Variants in ARK2C observed in about 807,000 individuals in gnomAD.
ARK2C encodes arkadia (RNF111) C-terminal like ring finger ubiquitin ligase 2C.
the ARK2C span, chr18:46,337,405 A>AT: frequency 1.4e-5 from 14 of 984,982 alleles, no homozygotes; most frequent in African/African-American, 2.5e-4. Context: ...CATGATCTGT[A>AT]TTTTTTTACA....
At chr18:46,336,781 A>G in the ARK2C span, 5 of 985,368 alleles carry the variant, frequency 5.1e-6, no homozygotes, top group East Asian at 2.3e-4. Context: ...GCAGCACTTC[A>G]TTTTTCAGTT....
chr18:46,447,879 C>A, the ARK2C span, among the ~76,000 whole-genome samples: 1 of 150,986 alleles, frequency 6.6e-6, no homozygotes, highest in East Asian at 2.0e-4. Flanking sequence ...TCCCTTGTGC[C>A]CTGGCCTTCT....
chr18:46,402,452 T>C, the ARK2C span, among the ~76,000 whole-genome samples: 1 of 152,232 alleles, frequency 6.6e-6, no homozygotes, highest in Non-Finnish European at 1.5e-5. Context: ...GCATGGAACA[T>C]GCTTATACTA....
At chr18:46,345,551 G>A in the ARK2C span, among the ~76,000 whole-genome samples, 1 of 152,342 alleles carries the variant, frequency 6.6e-6, no homozygotes, top group South Asian at 2.1e-4. Context: ...CACCTGGGGA[G>A]CATCTGGCTG....
At chr18:46,455,561 G>T in the ARK2C span, among the ~76,000 whole-genome samples, 4 of 152,160 alleles carry the variant, frequency 2.6e-5, no homozygotes, top group Non-Finnish European at 5.9e-5. Flanking sequence ...TTATGGCCGG[G>T]CAAGGTGGCT....
chr18:46,390,849 G>A, the ARK2C span, among the ~76,000 whole-genome samples: 2 of 152,184 alleles, frequency 1.3e-5, no homozygotes, highest in Non-Finnish European at 2.9e-5. Context: ...ATGCCTCATG[G>A]GGTGTGAGGA....
the ARK2C span, among the ~76,000 whole-genome samples, chr18:46,405,145 A>C: frequency 0.046 from 7,055 of 152,178 alleles, 530 homozygotes; most frequent in African/African-American, 0.16. Context: ...TATGGTGTAC[A>C]GTGTGGCATA....
At chr18:46,378,558 T>C in the ARK2C span, among the ~76,000 whole-genome samples, 2 of 152,160 alleles carry the variant, frequency 1.3e-5, no homozygotes, top group Non-Finnish European at 2.9e-5. Context: ...GATCCCTCCA[T>C]TTGATGTATG....
chr18:46,375,917 G>A, the ARK2C span, among the ~76,000 whole-genome samples: 8 of 152,214 alleles, frequency 5.3e-5, no homozygotes, highest in South Asian at 8.3e-4. Flanking sequence ...CCCTGCCTTT[G>A]ATGAGACTGT....
At chr18:46,365,040 T>C in the ARK2C span, among the ~76,000 whole-genome samples, 3 of 152,166 alleles carry the variant, frequency 2.0e-5, no homozygotes, top group African/African-American at 7.2e-5. Context: ...GGAGTTCCCT[T>C]TCTTCTAATG....
chr18:46,359,123 G>A, the ARK2C span, among the ~76,000 whole-genome samples: 1 of 152,228 alleles, frequency 6.6e-6, no homozygotes. Flanking sequence ...GCTCCCATGA[G>A]AGGAAGACGT....
At chr18:46,452,525 C>T in the ARK2C span, among the ~76,000 whole-genome samples, 1 of 152,124 alleles carries the variant, frequency 6.6e-6, no homozygotes, top group African/African-American at 2.4e-5. Context: ...AGTGATCCAC[C>T]CACCTTGGCC....
chr18:46,419,255 G>A, the ARK2C span, among the ~76,000 whole-genome samples: 3 of 152,270 alleles, frequency 2.0e-5, no homozygotes, highest in East Asian at 1.9e-4. Flanking sequence ...TGCTCTCAGA[G>A]TTTGGGAATA....
chr18:46,374,836 C>T, the ARK2C span, among the ~76,000 whole-genome samples: 2 of 152,196 alleles, frequency 1.3e-5, no homozygotes, highest in African/African-American at 4.8e-5. Flanking sequence ...ATGGAAAGTG[C>T]CTGCATGCCT....
the ARK2C span, among the ~76,000 whole-genome samples, chr18:46,395,423 A>G: frequency 5.3e-5 from 8 of 152,152 alleles, no homozygotes; most frequent in African/African-American, 1.9e-4. Context: ...TCCCCACTAG[A>G]TGCTAGTAGC....
the ARK2C span, chr18:46,462,220 T>TGTGA: frequency 6.6e-6 from 1 of 152,532 alleles, no homozygotes; most frequent in Non-Finnish European, 1.5e-5. Flanking sequence ...CTGGCACAGC[T>TGTGA]GTGAGCCCAA....
chr18:46,344,058 A>G, the ARK2C span, among the ~76,000 whole-genome samples: 1 of 152,200 alleles, frequency 6.6e-6, no homozygotes, highest in Non-Finnish European at 1.5e-5. Flanking sequence ...CCCTCCAGGA[A>G]GTCCTCCCTG....
the ARK2C span, chr18:46,386,439 G>A: frequency 6.6e-5 from 10 of 152,182 alleles, no homozygotes; most frequent in African/African-American, 2.4e-4. Flanking sequence ...GGAAGCAGAG[G>A]CAGAGGGGTT....
the ARK2C span, among the ~76,000 whole-genome samples, chr18:46,352,856 G>A: frequency 5.3e-5 from 8 of 152,184 alleles, no homozygotes; most frequent in Admixed American, 1.3e-4. Flanking sequence ...GATAATGGGG[G>A]GAGCACTCAG....
Sources: gnomAD v4.1 joint callset for allele counts (sites outside exome capture counted in the v4.1 genomes callset) on GRCh38, gnomAD v4.1.1 for gene constraint, MANE v1.5 for transcripts, NCBI Gene and HGNC (gene_info 2026-07-23, HGNC 2026-07-21) for gene names.